DPP4: variants seen among roughly 807,000 people sequenced by gnomAD.
DPP4 encodes the protein ADCP-2.
In DPP4, 93 loss-of-function variants were observed where a neutral mutation model predicts 122.4. The observed-to-expected ratio is 0.76, with a 90% confidence interval of 0.64 to 0.90. The LOEUF (loss-of-function observed/expected upper bound fraction) is 0.90, where lower values mean the gene tolerates loss of function less well. Among genes scored for constraint, DPP4 ranks in the 40% least tolerant of loss-of-function variants. The pLI, the probability that DPP4 is intolerant of heterozygous loss-of-function variation, is 0.00. For synonymous variants in DPP4, 321 were observed against 302.9 expected (o/e 1.06, Z -0.62); for missense variants, 914 against 907.3 (o/e 1.01, Z -0.09).
In DPP4 at chr2:162,048,981, C is replaced by A. The variant is rs116567208; in HGVS notation, c.95-1480G>T. Among the ~76,000 whole-genome samples, 962 of 152,252 alleles carry A rather than the reference C, an allele frequency of 6.3e-3. 12 individuals are homozygous for A. Among genetic ancestry groups the A allele is most frequent in the African/African-American group, 0.022 (909 of 41,548 alleles). ...TATCATCCTAGAAGCATAATCAAGC[C>A]AACGTGATTCCTCTTCTCCAATCCC... is the stretch of plus-strand genomic sequence containing the variant. On this transcript the variant is annotated intron_variant, in intron 2 of 25. Transcript: ENST00000360534.
intron 19 of DPP4, among the ~76,000 whole-genome samples, chr2:162,012,463 G>A (rs557474040): frequency 1.3e-5 from 2 of 152,098 alleles, no homozygotes; most frequent in South Asian, 4.2e-4. Flanking sequence ...CATAGCACCC[G>A]GCACAGTCTT....
At chr2:162,005,059 G>T (rs1701248144) in intron 23 of DPP4, among the ~76,000 whole-genome samples, 1 of 152,204 alleles carries the variant, frequency 6.6e-6, no homozygotes, top group East Asian at 1.9e-4. Context: ...ACTTCCAGCT[G>T]CATCAATGTG....
At chr2:162,059,569 A>C (rs1373550338) in intron 2 of DPP4, among the ~76,000 whole-genome samples, 1 of 152,250 alleles carries the variant, frequency 6.6e-6, no homozygotes, top group East Asian at 1.9e-4. Context: ...AAGAAAGATC[A>C]GCTCATGTTT....
At chr2:162,027,793 T>C (rs1301361508) in intron 10 of DPP4, among the ~76,000 whole-genome samples, 3 of 152,018 alleles carry the variant, frequency 2.0e-5, no homozygotes, top group African/African-American at 7.2e-5. Context: ...CATTGAGTAA[T>C]GGAATTTGGG....
chr2:162,063,568 G>A (rs144447696), intron 2 of DPP4, among the ~76,000 whole-genome samples: 307 of 152,080 alleles, frequency 2.0e-3, no homozygotes, highest in Middle Eastern at 3.4e-3. Context: ...GCCCCGAGGG[G>A]AGGTGGAGAA....
intron 16 of DPP4, 61 bp from the exon 17 acceptor site, chr2:162,017,216 G>C: frequency 7.0e-7 from 1 of 1,438,238 alleles, no homozygotes; most frequent in African/African-American, 1.4e-5. Flanking sequence ...AGATAGTATA[G>C]ATGACTTTTC....
At chr2:162,073,889 G>T in intron 1 of DPP4, 87 bp downstream of exon 1, 2 of 1,565,476 alleles carry the variant, frequency 1.3e-6, no homozygotes, top group South Asian at 1.2e-5. Context: ...TCCCTGGTCC[G>T]GTTTCGCCAG....
intron 23 of DPP4, among the ~76,000 whole-genome samples, chr2:161,999,639 G>A (rs1434289334): frequency 2.6e-5 from 4 of 152,212 alleles, no homozygotes; most frequent in Admixed American, 1.3e-4. Flanking sequence ...GTAGCTGCTC[G>A]TTGGATCATG....
At chr2:161,994,330 A>T (rs567841682) in intron 25 of DPP4, among the ~76,000 whole-genome samples, 1 of 152,362 alleles carries the variant, frequency 6.6e-6, no homozygotes, top group Non-Finnish European at 1.5e-5. Context: ...ATATACATAC[A>T]TGCACACATT....
intron 2 of DPP4, among the ~76,000 whole-genome samples, chr2:162,070,472 T>A (rs139319299): frequency 2.0e-5 from 3 of 152,202 alleles, no homozygotes; most frequent in South Asian, 2.1e-4. Context: ...TCCTTTTGGC[T>A]GTTTAATTCT....
chr2:162,073,558 T>G, intron 1 of DPP4, 72 bp from the exon 2 acceptor site: 2 of 1,476,820 alleles, frequency 1.4e-6, no homozygotes, highest in East Asian at 4.6e-5. Flanking sequence ...GGGTCGGGGC[T>G]GCTCCAGAGG....
chr2:162,003,003 G>A (rs772214824), intron 23 of DPP4, among the ~76,000 whole-genome samples: 3 of 152,148 alleles, frequency 2.0e-5, no homozygotes, highest in South Asian at 4.2e-4. Context: ...CTTAACTATC[G>A]CCCTCCCAAA....
chr2:162,042,004 G>A (rs1684005075), intron 5 of DPP4, among the ~76,000 whole-genome samples: 1 of 152,084 alleles, frequency 6.6e-6, no homozygotes, highest in African/African-American at 2.4e-5. Flanking sequence ...AGAGGATTAT[G>A]GAAAAGATGA....
At chr2:161,995,056 A>G (rs1700965528) in intron 24 of DPP4, 22 bp from the exon 25 acceptor site, 8 of 1,613,480 alleles carry the variant, frequency 5.0e-6, no homozygotes, top group Non-Finnish European at 6.8e-6. Flanking sequence ...GAAAGGAAAC[A>G]TAAAGTAGCT....
chr2:162,017,516 G>A (rs1306924186), intron 16 of DPP4: 3 of 190,672 alleles, frequency 1.6e-5, no homozygotes, highest in Non-Finnish European at 3.2e-5. Context: ...TGATCCCACA[G>A]GGTTTTTCAG....
chr2:162,058,025 G>A (rs1444176023), intron 2 of DPP4, among the ~76,000 whole-genome samples: 2 of 152,056 alleles, frequency 1.3e-5, no homozygotes, highest in African/African-American at 4.8e-5. Flanking sequence ...TGCCTGTCCC[G>A]GCCTCCCAAA....
Position 162,074,123 on chromosome 2 carries a change from AT to A in DPP4, c.-143del, listed in dbSNP as rs2106166979. 1 of 1,426,952 alleles carries A rather than the reference AT, an allele frequency of 7.0e-7. No individual in the cohort carries two copies. The highest frequency in any genetic ancestry group is 1.5e-5 in the South Asian group (1 of 64,922). The allele number at this position is 1,426,952 out of a possible 1,614,324, so 88.4% of individuals were successfully genotyped here. A position where few individuals can be genotyped will look rare whatever the true frequency, so the allele number is the denominator to read the frequency against. ...GGCAAGTTTCGGCCCCGAGTTAAAC[AT>A]TAGTGAGCGCCGAGCCCGCTGGGTA... On this transcript the variant is annotated 5_prime_UTR_variant, in exon 1 of 26. It adds an upstream start codon to the 5' untranslated region. Transcript: ENST00000360534.
chr2:162,038,267 G>C lies in DPP4; in HGVS notation c.613+35C>G, dbSNP rs200517689. The C allele has an allele frequency of 4.0e-6, 6 of 1,500,388 alleles. No individual in the cohort carries two copies. The Admixed American group carries it at 7.5e-5, about 19-fold the overall frequency. 92.9% of individuals were successfully genotyped at this position (1,500,388 alleles called of 1,614,324 possible). On this transcript the variant is annotated intron_variant, in intron 8 of 25. Transcript: ENST00000360534. ...CATTTAACTATTTTAAAAGCTTATA[G>C]ATTTTCTGATTTGAAAAAGCTTTAA...
intron 10 of DPP4, among the ~76,000 whole-genome samples, chr2:162,031,069 T>C (rs758773713): frequency 1.3e-5 from 2 of 152,246 alleles, no homozygotes; most frequent in Non-Finnish European, 2.9e-5. Context: ...CTGAGCACAG[T>C]CCCAGCCCAT....
Sources: gnomAD v4.1 joint callset for allele counts (sites outside exome capture counted in the v4.1 genomes callset) on GRCh38, gnomAD v4.1.1 for gene constraint, MANE v1.5 for transcripts, NCBI Gene and HGNC (gene_info 2026-07-23, HGNC 2026-07-21) for gene names.